Variants in KIF26B observed in about 807,000 individuals in gnomAD.
The protein encoded by KIF26B is kinesin-like protein KIF26B.
In KIF26B, 63 loss-of-function variants were observed where a neutral mutation model predicts 151.2. The observed-to-expected ratio is 0.42, with a 90% CI of 0.34 to 0.51. The LOEUF (loss-of-function observed/expected upper bound fraction) is 0.51. KIF26B is among the 20% of genes least tolerant of loss of function. The pLI is 0.07. For missense variants in KIF26B, 2,813 were observed against 2,913.6 expected, an observed-to-expected ratio of 0.97 and a Z score of 0.79; for synonymous variants, 1,357 against 1,262.1, an observed-to-expected ratio of 1.08 and a Z score of -1.59.
intron 5 of KIF26B, among the ~76,000 whole-genome samples, chr1:245,562,040 C>T (rs796089866): frequency 9.9e-5 from 15 of 152,194 alleles, no homozygotes; most frequent in African/African-American, 3.4e-4. Context: ...ACCCAGATGA[C>T]CTGGGGGGCA....
At chr1:245,652,670 CA>C (rs1257502612) in intron 10 of KIF26B, among the ~76,000 whole-genome samples, 1 of 152,154 alleles carries the variant, frequency 6.6e-6, no homozygotes, top group East Asian at 1.9e-4. Context: ...GCCGGGGTCA[CA>C]AACACTGGGT....
chr1:245,199,022 G>A (rs1440215224), intron 2 of KIF26B, among the ~76,000 whole-genome samples: 1 of 85,788 alleles, frequency 1.2e-5, no homozygotes, highest in Non-Finnish European at 2.5e-5. Context: ...CAGACTAGGT[G>A]GGGCCTCAGG....
chr1:245,639,228 C>A (rs193113237), intron 9 of KIF26B, among the ~76,000 whole-genome samples: 1 of 151,742 alleles, frequency 6.6e-6, no homozygotes, highest in Admixed American at 6.6e-5. Flanking sequence ...GGAATTTTTC[C>A]ATTTTTTCCT....
chr1:245,263,230 CCTT>C (rs760307078), intron 2 of KIF26B, among the ~76,000 whole-genome samples: 31 of 152,134 alleles, frequency 2.0e-4, no homozygotes, highest in Non-Finnish European at 4.1e-4. Flanking sequence ...TGCTTGTGCT[CCTT>C]CTTCCAAGCT....
intron 4 of KIF26B, among the ~76,000 whole-genome samples, chr1:245,539,707 C>G (rs940724179): frequency 6.6e-6 from 1 of 152,184 alleles, no homozygotes; most frequent in Non-Finnish European, 1.5e-5. Flanking sequence ...GCCTGGAGAG[C>G]AGTGGCGCTA....
At chr1:245,657,595 C>T (rs903380082) in intron 10 of KIF26B, among the ~76,000 whole-genome samples, 3 of 152,084 alleles carry the variant, frequency 2.0e-5, no homozygotes, top group Non-Finnish European at 2.9e-5. Flanking sequence ...GGAGCTCTTC[C>T]GAATTTGGGC....
chr1:245,483,973 C>T (rs987241108), intron 4 of KIF26B, among the ~76,000 whole-genome samples: 2 of 151,858 alleles, frequency 1.3e-5, no homozygotes. Flanking sequence ...TTTATAAAAT[C>T]TGTAAGTTAG....
At chr1:245,539,938 C>T (rs1292623192) in intron 4 of KIF26B, among the ~76,000 whole-genome samples, 2 of 152,152 alleles carry the variant, frequency 1.3e-5, no homozygotes, top group Non-Finnish European at 2.9e-5. Context: ...CAGGTGTGAG[C>T]CACCGTGCCT....
intron 3 of KIF26B, among the ~76,000 whole-genome samples, chr1:245,402,674 A>G (rs909880262): frequency 6.6e-6 from 1 of 152,228 alleles, no homozygotes; most frequent in East Asian, 1.9e-4. Context: ...CCTGAAATAT[A>G]AAAGACATAG....
rs34744401 is a variant in KIF26B, at chr1:245,416,280, C to CAAAAA, written c.1000-3284_1000-3280dup. Among the ~76,000 whole-genome samples, 85 of 51,370 alleles carry CAAAAA rather than the reference C, an allele frequency of 1.7e-3. 5 individuals carry two copies. The highest frequency in any genetic ancestry group is 5.6e-3 in the African/African-American group (84 of 15,036). 33.7% of individuals were successfully genotyped at this position (51,370 alleles called of 152,430 possible). A position where few individuals can be genotyped will look rare whatever the true frequency, so the allele number is the denominator to read the frequency against. Reference sequence around the variant, plus strand: ...GGGCAACAAGAGCGAAACTCTGTCTCAAAAAAAAAAAAAAAAAAAGAATCA... The same window carrying CAAAAA: ...GGGCAACAAGAGCGAAACTCTGTCTCAAAAAAAAAAAAAAAAAAAAAAAAGAATCA... On this transcript the variant is annotated intron_variant, in intron 3 of 14. Transcript: ENST00000407071.
intron 2 of KIF26B, among the ~76,000 whole-genome samples, chr1:245,350,457 G>A (rs1572017120): frequency 6.6e-6 from 1 of 152,124 alleles, no homozygotes; most frequent in South Asian, 2.1e-4. Context: ...CAGTCCTGAA[G>A]AACGTGTTGA....
chr1:245,499,589 A>T (rs1421216567), intron 4 of KIF26B, among the ~76,000 whole-genome samples: 1 of 152,260 alleles, frequency 6.6e-6, no homozygotes. Flanking sequence ...GTATAATTTG[A>T]GTAAGCCAAA....
At chr1:245,264,772 A>C (rs1292538099) in intron 2 of KIF26B, among the ~76,000 whole-genome samples, 2 of 150,788 alleles carry the variant, frequency 1.3e-5, no homozygotes, top group African/African-American at 2.4e-5. Context: ...GGGCTCCTGT[A>C]GTCCCAGCTA....
chr1:245,484,002 A>G (rs1446725440), intron 4 of KIF26B, among the ~76,000 whole-genome samples: 2 of 151,684 alleles, frequency 1.3e-5, no homozygotes, highest in African/African-American at 2.4e-5. Context: ...TTCCACATTT[A>G]TGTTTTTCCT....
In KIF26B at chr1:245,357,705, C is replaced by T. The variant is rs567887706; in HGVS notation, c.466-9129C>T. On this transcript the variant is annotated intron_variant, in intron 2 of 14. Coordinates refer to ENST00000407071, the MANE Select transcript of KIF26B (RefSeq NM_018012.4). ...GAGGGAGTTATCATCAGGGCAGGAA[C>T]CAAAGTGAAGGTGCAGAGGCTGGGA... is the stretch of plus-strand genomic sequence containing the variant. 3.3e-5 allele frequency among the ~76,000 whole-genome samples: 5 copies of T among 152,042 alleles called. No individual in the cohort carries two copies. In the South Asian group the frequency reaches 1.0e-3, roughly 32 times the overall value.
At chr1:245,645,981 G>T (rs1437885589) in intron 9 of KIF26B, 140 bp from the exon 10 acceptor site, 2 of 834,986 alleles carry the variant, frequency 2.4e-6, no homozygotes, top group East Asian at 2.7e-5. Flanking sequence ...ATTTTTCTGG[G>T]GTTTCCTAGT....
intron 2 of KIF26B, chr1:245,206,456 G>A (rs1669408123): frequency 6.6e-6 from 1 of 152,074 alleles, no homozygotes; most frequent in Non-Finnish European, 1.5e-5. Context: ...GAAGACAATT[G>A]TTTAATCCAA....
chr1:245,300,945 C>T (rs1213497441), intron 2 of KIF26B, among the ~76,000 whole-genome samples: 2 of 151,634 alleles, frequency 1.3e-5, no homozygotes, highest in Non-Finnish European at 2.9e-5. Flanking sequence ...ATTCTCCTGC[C>T]TCAGCCCCCC....
At chr1:245,328,014 G>A (rs1486841910) in intron 2 of KIF26B, among the ~76,000 whole-genome samples, 1 of 152,108 alleles carries the variant, frequency 6.6e-6, no homozygotes, top group Admixed American at 6.5e-5. Flanking sequence ...CACTTAGCCA[G>A]CATGAAGGGA....
Sources: gnomAD v4.1 joint callset for allele counts (sites outside exome capture counted in the v4.1 genomes callset) on GRCh38, gnomAD v4.1.1 for gene constraint, MANE v1.5 for transcripts, NCBI Gene and HGNC (gene_info 2026-07-23, HGNC 2026-07-21) for gene names.